FARP1: variants seen among roughly 807,000 people sequenced by gnomAD.
FARP1 encodes FERM, ARH/RhoGEF and pleckstrin domain protein 1, also known as FERM, ARHGEF and pleckstrin domain-containing protein 1.
A neutral mutation model predicts 128.8 loss-of-function variants in FARP1; 52 were observed. That is an observed-to-expected ratio of 0.40 (90% confidence interval 0.32 to 0.51). The LOEUF (loss-of-function observed/expected upper bound fraction) is 0.51. FARP1 is among the 20% of genes least tolerant of loss of function. The probability of loss-of-function intolerance (pLI) is 0.45; values close to 1 mark genes in which losing one functional copy is unlikely to be tolerated. For missense variants in FARP1, 1,333 were observed against 1,367.9 expected (o/e 0.97, Z 0.40); for synonymous variants, 580 against 551.8 (o/e 1.05, Z -0.72).
intron 21 of FARP1, 42 bp downstream of exon 21, chr13:98,439,238 G>A (rs1046988474): frequency 7.0e-6 from 10 of 1,428,158 alleles, no homozygotes; most frequent in Non-Finnish European, 8.8e-6. Context: ...TGTCCTCGGG[G>A]GCAGCAGGTG....
upstream of FARP1, among the ~76,000 whole-genome samples, chr13:98,142,934 C>T (rs1875142524): frequency 6.6e-6 from 1 of 150,790 alleles, no homozygotes. Context: ...CTGGGCGCAC[C>T]TGCCCGGGCG....
intron 1 of FARP1, among the ~76,000 whole-genome samples, chr13:98,163,580 G>A (rs568293980): frequency 2.0e-5 from 3 of 149,756 alleles, no homozygotes; most frequent in East Asian, 3.9e-4. Flanking sequence ...TCTGTCACCC[G>A]GGCTGGAGTG....
chr13:98,287,714 TAA>T (rs1040441090), intron 2 of FARP1, among the ~76,000 whole-genome samples: 3 of 151,908 alleles, frequency 2.0e-5, no homozygotes, highest in African/African-American at 7.3e-5. Context: ...TCTTCATGCA[TAA>T]TCTTTAAAAA....
intron 2 of FARP1, among the ~76,000 whole-genome samples, chr13:98,306,590 C>T (rs184157645): frequency 6.6e-6 from 1 of 152,184 alleles, no homozygotes; most frequent in East Asian, 1.9e-4. Context: ...TTGTGGCCCG[C>T]TGCAGCCTCG....
chr13:98,391,502 C>A (rs1890304990), intron 11 of FARP1, among the ~76,000 whole-genome samples: 1 of 152,192 alleles, frequency 6.6e-6, no homozygotes, highest in Admixed American at 6.5e-5. Flanking sequence ...AACTCCTGGG[C>A]TCAAGCCATC....
intron 3 of FARP1, among the ~76,000 whole-genome samples, chr13:98,351,916 C>G (rs1168009890): frequency 1.3e-5 from 2 of 152,156 alleles, no homozygotes; most frequent in African/African-American, 4.8e-5. Context: ...ACCCCCAACA[C>G]TGGGAATCAC....
intron 3 of FARP1, among the ~76,000 whole-genome samples, chr13:98,357,255 C>T (rs181532263): frequency 3.3e-5 from 5 of 152,206 alleles, no homozygotes; most frequent in African/African-American, 9.6e-5. Context: ...TTTGTCTAGC[C>T]ATCATCTTTT....
At chr13:98,368,694 G>A (rs1249126781) in intron 5 of FARP1, among the ~76,000 whole-genome samples, 1 of 152,136 alleles carries the variant, frequency 6.6e-6, no homozygotes, top group Non-Finnish European at 1.5e-5. Flanking sequence ...CCTTTGTGTT[G>A]CCATTACTTC....
chr13:98,318,950 G>GTT lies in FARP1; in HGVS notation c.172-24794_172-24793dup, dbSNP rs56166470. Reference sequence around the variant, plus strand: ...TTCCTTTGGAGCTTAGTTTTTTCTTGTTTTTTTTTTTTTTTTTTTGTTTGT... The same window carrying GTT: ...TTCCTTTGGAGCTTAGTTTTTTCTTGTTTTTTTTTTTTTTTTTTTTTGTTTGT... On this transcript the variant is annotated intron_variant, in intron 2 of 26. Transcript: ENST00000319562. 6.1e-3 allele frequency among the ~76,000 whole-genome samples: 732 copies of GTT among 120,598 alleles called. 9 individuals are homozygous for GTT. Among genetic ancestry groups the GTT allele is most frequent in the East Asian group, 0.041 (158 of 3,878 alleles). The allele number at this position is 120,598 out of a possible 152,430, so 79.1% of individuals were successfully genotyped here.
rs1011552388 is a variant in FARP1 at position 98,448,707 on chromosome 13, G to C, written c.*390G>C. ...TTTCTTTTATTATTTTCACCTATTG[G>C]CTGCTGCATTTTACGAAGTGGACTT... On this transcript the variant is annotated 3_prime_UTR_variant, in exon 27 of 27. Transcript: ENST00000319562. The C allele has an allele frequency of 1.2e-5, 2 of 165,414 alleles. No individual in the cohort carries two copies. Among genetic ancestry groups the C allele is most frequent in the African/African-American group, 4.8e-5 (2 of 41,382 alleles). The allele number at this position is 165,414 out of a possible 1,614,324, so 10.2% of individuals were successfully genotyped here. A position where few individuals can be genotyped will look rare whatever the true frequency, so the allele number is the denominator to read the frequency against.
At chr13:98,412,917 G>C (rs1405023901) in intron 16 of FARP1, among the ~76,000 whole-genome samples, 1 of 152,208 alleles carries the variant, frequency 6.6e-6, no homozygotes, top group African/African-American at 2.4e-5. Flanking sequence ...CCCGTTATGG[G>C]CTGTATCCTC....
intron 1 of FARP1, among the ~76,000 whole-genome samples, chr13:98,198,217 A>T (rs1879699689): frequency 6.6e-6 from 1 of 152,194 alleles, no homozygotes; most frequent in Admixed American, 6.5e-5. Flanking sequence ...TCTGCCAGTG[A>T]GCCCCAGGAC....
At chr13:98,252,737 T>C (rs1883404416) in intron 2 of FARP1, among the ~76,000 whole-genome samples, 1 of 152,192 alleles carries the variant, frequency 6.6e-6, no homozygotes, top group African/African-American at 2.4e-5. Flanking sequence ...TGAAATTGGA[T>C]GTAAGTCAAT....
intron 2 of FARP1, among the ~76,000 whole-genome samples, chr13:98,337,636 C>T (rs75156774): frequency 6.8e-6 from 1 of 147,984 alleles, no homozygotes; most frequent in East Asian, 2.1e-4. Flanking sequence ...GATGAATTTT[C>T]CACAGGGCCT....
At position 98,176,374 on chromosome 13, in the gene FARP1, G is replaced by A. The variant is rs540958770; in HGVS notation, c.-24+32882G>A. 1.9e-6 allele frequency: 3 copies of A among 1,614,082 alleles called. No individual in the cohort carries two copies. Among genetic ancestry groups the A allele is most frequent in the African/African-American group, 1.3e-5 (1 of 74,938 alleles). ...TGGCTGGTCACAGATGTAGCAGCGCGGGGTGGCCCGGAAGTGCTCCAGCGC... is the reference window on the plus strand; with the variant it reads ...TGGCTGGTCACAGATGTAGCAGCGCAGGGTGGCCCGGAAGTGCTCCAGCGC... On this transcript the variant is annotated intron_variant, in intron 1 of 26. Coordinates refer to ENST00000319562, the MANE Select transcript of FARP1 (RefSeq NM_005766.4). The surrounding 1 kb of genome is among the most constrained non-coding windows in gnomAD (Gnocchi z 6.2).
rs1893305680 is a variant in FARP1 at position 98,453,591 on chromosome 13, C to T, written c.*5274C>T. On this transcript the variant is annotated 3_prime_UTR_variant, in exon 27 of 27. Transcript: ENST00000319562. ...ATTCCCGATGTGAGGGCAGGAAACC[C>T]ATTTTGGCCATAAAAATAGTGATGC... 5.9e-6 allele frequency: 1 copy of T among 169,516 alleles called. No homozygotes were observed. The highest frequency in any genetic ancestry group is 6.2e-5 in the Admixed American group (1 of 16,046). The allele number at this position is 169,516 out of a possible 1,614,324, so 10.5% of individuals were successfully genotyped here.
chr13:98,353,643 G>A (rs1888526458), intron 3 of FARP1, among the ~76,000 whole-genome samples: 1 of 152,126 alleles, frequency 6.6e-6, no homozygotes, highest in Non-Finnish European at 1.5e-5. Context: ...CTCCCAAAGT[G>A]CTAGGATTAT....
chr13:98,146,669 G>A (rs1169429154), intron 1 of FARP1, among the ~76,000 whole-genome samples: 1 of 152,220 alleles, frequency 6.6e-6, no homozygotes, highest in Non-Finnish European at 1.5e-5. Flanking sequence ...GATAAGAGGG[G>A]CAGGTATAGT....
chr13:98,418,164 C>T (rs1289558313), intron 16 of FARP1, among the ~76,000 whole-genome samples: 1 of 152,232 alleles, frequency 6.6e-6, no homozygotes, highest in Admixed American at 6.5e-5. Context: ...ATCCTCCCAC[C>T]TCAGCTTTTC....
Sources: allele counts gnomAD v4.1 joint callset (sites outside exome capture counted in the v4.1 genomes callset), GRCh38; gene constraint gnomAD v4.1.1; non-coding constraint Gnocchi (gnomAD v3.1); transcripts MANE v1.5; gene names NCBI Gene and HGNC (gene_info 2026-07-23, HGNC 2026-07-21).